The following TM4SF4 variants were observed in gnomAD, a reference collection of about 807,000 sequenced individuals.
The protein encoded by TM4SF4 is transmembrane 4 L6 family member 4.
TM4SF4 carries 24 observed loss-of-function variants against 24.1 expected under a neutral mutation model. That is an observed-to-expected ratio of 1.00 (90% confidence interval 0.72 to 1.40). The LOEUF is 1.40. Ranked by LOEUF, TM4SF4 falls within the 40% of genes most tolerant of loss-of-function variation. The probability of loss-of-function intolerance (pLI) is 0.00; values close to 1 mark genes in which losing one functional copy is unlikely to be tolerated. For missense variants in TM4SF4, 254 were observed against 254.2 expected (o/e 1.00, Z 0.01); for synonymous variants, 113 against 97.0 (o/e 1.17, Z -0.97).
chr3:149,477,538 T>C (rs1201292560), intron 2 of TM4SF4, among the ~76,000 whole-genome samples: 1 of 152,206 alleles, frequency 6.6e-6, no homozygotes, highest in Non-Finnish European at 1.5e-5. Context: ...ATTTATTCAA[T>C]CAAAAAATAT....
At chr3:149,498,118 A>T (rs1182414896) in intron 3 of TM4SF4, among the ~76,000 whole-genome samples, 1 of 152,230 alleles carries the variant, frequency 6.6e-6, no homozygotes, top group Non-Finnish European at 1.5e-5. Context: ...GTTAACAAAA[A>T]TATAGTGAGT....
chr3:149,480,324 C>G (rs1340488911), intron 2 of TM4SF4, among the ~76,000 whole-genome samples: 1 of 152,074 alleles, frequency 6.6e-6, no homozygotes, highest in South Asian at 2.1e-4. Flanking sequence ...ATGTTAAGTA[C>G]GTATTTTATT....
At chr3:149,482,022 T>C (rs1302507416) in intron 2 of TM4SF4, among the ~76,000 whole-genome samples, 1 of 152,192 alleles carries the variant, frequency 6.6e-6, no homozygotes, top group African/African-American at 2.4e-5. Context: ...TATCCAAACC[T>C]TGGGAACAGG....
chr3:149,475,684 C>A, intron 1 of TM4SF4, 139 bp from the exon 2 acceptor site: 2 of 685,330 alleles, frequency 2.9e-6, no homozygotes, highest in South Asian at 1.8e-5. Context: ...ATTACCCCTC[C>A]AGCCATGCTC....
intron 3 of TM4SF4, among the ~76,000 whole-genome samples, chr3:149,488,088 G>A (rs1734150595): frequency 6.6e-6 from 1 of 152,124 alleles, no homozygotes; most frequent in Non-Finnish European, 1.5e-5. Flanking sequence ...AATAAACAGA[G>A]TAATAGTTTT....
chr3:149,496,703 G>T (rs1171676033), intron 3 of TM4SF4, among the ~76,000 whole-genome samples: 4 of 152,124 alleles, frequency 2.6e-5, no homozygotes, highest in African/African-American at 9.7e-5. Context: ...GGGAGGCACA[G>T]GTTGCAGTGA....
At chr3:149,495,454 C>T (rs1734293161) in intron 3 of TM4SF4, 2 of 413,788 alleles carry the variant, frequency 4.8e-6, no homozygotes, top group Non-Finnish European at 9.6e-6. Flanking sequence ...TGTTCTCAAA[C>T]CCAGCATGGT....
intron 3 of TM4SF4, among the ~76,000 whole-genome samples, chr3:149,497,274 T>C (rs534166900): frequency 3.3e-4 from 50 of 152,310 alleles, no homozygotes; most frequent in African/African-American, 1.2e-3. Flanking sequence ...CCCTAAGATA[T>C]GATAATGTAA....
chr3:149,476,470 G>A lies in TM4SF4; in HGVS notation c.264+558G>A, dbSNP rs111297430. ...TCCTCTCTTGTTTCATGCGGCCATC[G>A]ATCTTGAACTAGAGACGTTAGGCAT... On this transcript the variant is annotated intron_variant, in intron 2 of 4. Transcript: ENST00000305354. 7.4e-3 allele frequency among the ~76,000 whole-genome samples: 1,005 copies of A among 135,626 alleles called. 7 individuals carry two copies. Among genetic ancestry groups the A allele is most frequent in the African/African-American group, 0.024 (915 of 38,902 alleles). The allele number at this position is 135,626 out of a possible 152,430, so 89.0% of individuals were successfully genotyped here.
At chr3:149,489,486 C>G (rs1291549925) in intron 3 of TM4SF4, among the ~76,000 whole-genome samples, 1 of 152,190 alleles carries the variant, frequency 6.6e-6, no homozygotes, top group Non-Finnish European at 1.5e-5. Context: ...AAAAAACACT[C>G]CAAAGCCATA....
At chr3:149,499,473 TA>T (rs1301651183) in intron 4 of TM4SF4, among the ~76,000 whole-genome samples, 1 of 152,142 alleles carries the variant, frequency 6.6e-6, no homozygotes, top group East Asian at 1.9e-4. Context: ...AACAAATTAC[TA>T]AAAATAAAAA....
chr3:149,489,872 T>A (rs190858678), intron 3 of TM4SF4, among the ~76,000 whole-genome samples: 1 of 152,246 alleles, frequency 6.6e-6, no homozygotes, highest in East Asian at 1.9e-4. Flanking sequence ...AGCGGGAACA[T>A]TTCAGAATTC....
intron 2 of TM4SF4, among the ~76,000 whole-genome samples, chr3:149,476,642 A>T (rs1414306789): frequency 6.6e-6 from 1 of 152,224 alleles, no homozygotes; most frequent in Non-Finnish European, 1.5e-5. Context: ...CAAGTATGGG[A>T]CAAGCTCTGG....
chr3:149,495,630 G>A, intron 3 of TM4SF4: 1 of 336,416 alleles, frequency 3.0e-6, no homozygotes, highest in Non-Finnish European at 6.0e-6. Flanking sequence ...ACCAATGGGA[G>A]CAGCTGGCTT....
At chr3:149,489,291 G>A (rs543214599) in intron 3 of TM4SF4, among the ~76,000 whole-genome samples, 1 of 152,320 alleles carries the variant, frequency 6.6e-6, no homozygotes, top group South Asian at 2.1e-4. Context: ...GGGTGTGTGT[G>A]TGAAGCTACA....
At chr3:149,498,320 GTC>G (rs1734351021) in intron 3 of TM4SF4, among the ~76,000 whole-genome samples, 4 of 152,194 alleles carry the variant, frequency 2.6e-5, no homozygotes, top group Non-Finnish European at 5.9e-5. Flanking sequence ...CTGCTGGAGT[GTC>G]TCTATTTTCC....
At chr3:149,484,593 C>T (rs1009754146) in intron 2 of TM4SF4, among the ~76,000 whole-genome samples, 2 of 150,270 alleles carry the variant, frequency 1.3e-5, no homozygotes, top group African/African-American at 2.4e-5. Context: ...GTTCTGTTGC[C>T]CAGGCTGGAG....
At chr3:149,500,615 T>C (rs1184784360) in intron 4 of TM4SF4, among the ~76,000 whole-genome samples, 2 of 152,238 alleles carry the variant, frequency 1.3e-5, no homozygotes, top group Non-Finnish European at 2.9e-5. Flanking sequence ...TTGTAATTCA[T>C]CCAAAGTGAA....
chr3:149,476,382 G>C (rs72615625), intron 2 of TM4SF4, among the ~76,000 whole-genome samples: 10,906 of 152,292 alleles, frequency 0.072, 918 homozygotes, highest in East Asian at 0.42. Context: ...CCACTTCCAT[G>C]TTCTCTATTT....
Sources: allele counts gnomAD v4.1 joint callset (sites outside exome capture counted in the v4.1 genomes callset), GRCh38; gene constraint gnomAD v4.1.1; transcripts MANE v1.5; gene names NCBI Gene and HGNC (gene_info 2026-07-23, HGNC 2026-07-21).